ZFHX3: variants seen among roughly 807,000 people sequenced by gnomAD.
ZFHX3 encodes the protein zinc finger homeobox 3.
Under a neutral mutation model 279.1 loss-of-function variants are expected in ZFHX3, and 42 were observed. The ratio of observed to expected loss-of-function variants is 0.15; its 90% CI spans 0.12 to 0.19. The LOEUF is 0.19. Among genes scored for constraint, ZFHX3 ranks in the 10% least tolerant of loss-of-function variants. The pLI is 1.00. For missense variants in ZFHX3, 4,981 were observed against 4,754.0 expected, an observed-to-expected ratio of 1.05 and a Z score of -1.40; for synonymous variants, 2,293 against 1,957.8, an observed-to-expected ratio of 1.17 and a Z score of -4.52.
chr16:73,295,842 C>G (rs1029703281), intron 4 of ZFHX3, among the ~76,000 whole-genome samples: 16 of 152,134 alleles, frequency 1.1e-4, no homozygotes, highest in Non-Finnish European at 2.4e-4. Flanking sequence ...AGAGGGAGAC[C>G]ACATCTCTGG....
intron 2 of ZFHX3, among the ~76,000 whole-genome samples, chr16:73,496,823 G>T (rs2019149909): frequency 6.6e-6 from 1 of 152,190 alleles, no homozygotes; most frequent in Admixed American, 6.5e-5. Context: ...TGAGGGAGGA[G>T]CCAGGTAGGA....
intron 2 of ZFHX3, among the ~76,000 whole-genome samples, chr16:73,496,085 A>G (rs2019136573): frequency 6.6e-6 from 1 of 152,208 alleles, no homozygotes; most frequent in Admixed American, 6.5e-5. Context: ...GATTTATGAA[A>G]CTGAGATAGC....
intron 3 of ZFHX3, among the ~76,000 whole-genome samples, chr16:72,948,033 G>C (rs1354185329): frequency 6.6e-6 from 1 of 152,218 alleles, no homozygotes; most frequent in Non-Finnish European, 1.5e-5. Flanking sequence ...GGCAAGAGAA[G>C]TTTGATCTTA....
At chr16:73,876,268 T>C (rs1192493753) in intron 1 of ZFHX3, among the ~76,000 whole-genome samples, 1 of 152,154 alleles carries the variant, frequency 6.6e-6, no homozygotes, top group Non-Finnish European at 1.5e-5. Flanking sequence ...ATGAAAAAAA[T>C]ATCCTCTAAG....
At chr16:73,215,675 C>G (rs2012179132) in intron 5 of ZFHX3, among the ~76,000 whole-genome samples, 1 of 152,176 alleles carries the variant, frequency 6.6e-6, no homozygotes, top group South Asian at 2.1e-4. Context: ...CCTAGCTTGT[C>G]CTCCCCCCGA....
chr16:73,108,995 G>C (rs983367948), intron 7 of ZFHX3, among the ~76,000 whole-genome samples: 5 of 88,760 alleles, frequency 5.6e-5, no homozygotes, highest in Admixed American at 3.6e-4. Flanking sequence ...GATAGGCACT[G>C]GTTGGGGATT....
At chr16:73,514,695 G>A (rs2019490051) in intron 2 of ZFHX3, among the ~76,000 whole-genome samples, 1 of 152,166 alleles carries the variant, frequency 6.6e-6, no homozygotes, top group African/African-American at 2.4e-5. Context: ...CTGCCTTAGT[G>A]ACCAAGGTCT....
At chr16:73,526,380 G>A (rs1394282557) in intron 2 of ZFHX3, among the ~76,000 whole-genome samples, 1 of 152,144 alleles carries the variant, frequency 6.6e-6, no homozygotes, top group Non-Finnish European at 1.5e-5. Context: ...GAGAAAGGAG[G>A]GGCCAAGTCT....
Position 73,625,620 on chromosome 16 carries a change from G to A in ZFHX3, c.-1547+54560C>T, listed in dbSNP as rs182492734. 1.2e-4 allele frequency among the ~76,000 whole-genome samples: 19 copies of A among 152,338 alleles called. No homozygotes were observed. The East Asian group carries it at 2.9e-3, about 23-fold the overall frequency. On this transcript the variant is annotated intron_variant, in intron 2 of 17. Coordinates refer to the ZFHX3 transcript ENST00000641206. Reference sequence around the variant, plus strand: ...TCTGTGGTTTAGATAAGGATGGCTGGTTGTGAAAAGGAGGCAAGCCTCATT... The same window carrying A: ...TCTGTGGTTTAGATAAGGATGGCTGATTGTGAAAAGGAGGCAAGCCTCATT...
intron 8 of ZFHX3, among the ~76,000 whole-genome samples, chr16:73,080,161 A>C (rs1320860889): frequency 6.6e-6 from 1 of 152,228 alleles, no homozygotes; most frequent in African/African-American, 2.4e-5. Flanking sequence ...TGTCTCCCAC[A>C]GTACAGCAGG....
At chr16:73,042,404 A>G (rs923226757) in intron 1 of ZFHX3, among the ~76,000 whole-genome samples, 8 of 152,084 alleles carry the variant, frequency 5.3e-5, no homozygotes, top group Admixed American at 4.6e-4. Context: ...TAACCGATAC[A>G]CTCAGAAGAA....
intron 2 of ZFHX3, among the ~76,000 whole-genome samples, chr16:73,472,504 G>A (rs781131481): frequency 1.3e-5 from 2 of 152,196 alleles, no homozygotes; most frequent in African/African-American, 4.8e-5. Context: ...CCAGTGGGAA[G>A]TGGGAGAAAT....
At chr16:73,327,654 C>G (rs778116401) in intron 3 of ZFHX3, among the ~76,000 whole-genome samples, 2 of 152,216 alleles carry the variant, frequency 1.3e-5, no homozygotes, top group Non-Finnish European at 2.9e-5. Flanking sequence ...CAGCAAGTAT[C>G]TTGCCTTATC....
rs140855443 is a variant in ZFHX3 at position 72,959,467 on chromosome 16, C to T, written c.679G>A (p.Val227Ile). 402 of 1,614,246 alleles carry T rather than the reference C, an allele frequency of 2.5e-4. 1 individual carries two copies. Among genetic ancestry groups the T allele is most frequent in the South Asian group, 4.4e-4 (40 of 91,086 alleles). Reference sequence around the variant, plus strand: ...TCAAACACGCGGAAGCTGTGCAGGACGGGGCTGAGCCCCGCCAGGGCTGAG... The same window carrying T: ...TCAAACACGCGGAAGCTGTGCAGGATGGGGCTGAGCCCCGCCAGGGCTGAG... The part of the protein sequence containing the change: ...NTSALAGLSP[V>I]LHSFRVFDVR... Residue 227 changes from valine to isoleucine, a missense_variant, in exon 2 of 10, where the codon GTC becomes ATC. This residue lies in a region of ZFHX3 where 1,068 missense variants were observed against 935.2 expected (regional missense o/e 1.14). Transcript: ENST00000268489.
intron 2 of ZFHX3, among the ~76,000 whole-genome samples, chr16:73,494,256 T>C (rs1322563188): frequency 6.6e-6 from 1 of 152,228 alleles, no homozygotes; most frequent in Non-Finnish European, 1.5e-5. Flanking sequence ...AGCGGTTTGC[T>C]AGCTGGTTTA....
At chr16:73,486,999 GA>G (rs2018987191) in intron 2 of ZFHX3, 4 of 343,988 alleles carry the variant, frequency 1.2e-5, no homozygotes, top group South Asian at 9.4e-5. Flanking sequence ...AACCTGCTTG[GA>G]AAAATAAGAC....
At chr16:73,341,052 A>C (rs1053595570) in intron 3 of ZFHX3, among the ~76,000 whole-genome samples, 3 of 152,210 alleles carry the variant, frequency 2.0e-5, no homozygotes, top group African/African-American at 7.2e-5. Context: ...TCTTCTTAAA[A>C]ATTGAGGGAG....
At chr16:73,826,265 T>C (rs1389403214) in intron 1 of ZFHX3, among the ~76,000 whole-genome samples, 2 of 65,338 alleles carry the variant, frequency 3.1e-5, no homozygotes, top group Non-Finnish European at 5.1e-5. Flanking sequence ...ATCCTGAGAC[T>C]TTGCTGAAGT....
rs528802296 is a variant in ZFHX3 at position 73,802,107 on chromosome 16, A to G, written c.-1608+89544T>C. On this transcript the variant is annotated intron_variant, in intron 1 of 17. Coordinates refer to the ZFHX3 transcript ENST00000641206. Reference sequence around the variant, plus strand: ...CGCAGTGATGTACCAAAGTCCTTAAAGCCCCGGGCTGTGGAAACTGTGCCT... The same window carrying G: ...CGCAGTGATGTACCAAAGTCCTTAAGGCCCCGGGCTGTGGAAACTGTGCCT... 8.5e-5 allele frequency among the ~76,000 whole-genome samples: 13 copies of G among 152,362 alleles called. No homozygotes were observed. In the East Asian group the frequency reaches 2.5e-3, roughly 29 times the overall value.
Sources: gnomAD v4.1 joint callset for allele counts (sites outside exome capture counted in the v4.1 genomes callset) on GRCh38, gnomAD v4.1.1 for gene constraint, gnomAD v4.1.1 regional missense constraint, MANE v1.5 for transcripts, NCBI Gene and HGNC (gene_info 2026-07-23, HGNC 2026-07-21) for gene names.